TBL1XR1: variants seen among roughly 807,000 people sequenced by gnomAD.
The protein encoded by TBL1XR1 is F-box-like/WD repeat-containing protein TBL1XR1.
A neutral mutation model predicts 66.9 loss-of-function variants in TBL1XR1; 5 were observed. The ratio of observed to expected loss-of-function variants is 0.07; its 90% CI spans 0.04 to 0.16. The LOEUF (loss-of-function observed/expected upper bound fraction) is 0.16, where lower values mean the gene tolerates loss of function less well. TBL1XR1 is among the 10% of genes least tolerant of loss of function. The probability of loss-of-function intolerance (pLI) is 1.00; values close to 1 mark genes in which losing one functional copy is unlikely to be tolerated. For synonymous variants in TBL1XR1, 210 were observed against 206.0 expected, an observed-to-expected ratio of 1.02 and a Z score of -0.17; for missense variants, 238 against 623.2, an observed-to-expected ratio of 0.38 and a Z score of 6.58.
chr3:177,137,244 G>A (rs1232166174), intron 1 of TBL1XR1, among the ~76,000 whole-genome samples: 1 of 152,236 alleles, frequency 6.6e-6, no homozygotes, highest in Non-Finnish European at 1.5e-5. Context: ...TGTAATCCCA[G>A]CACTTTGGGA....
intron 2 of TBL1XR1, among the ~76,000 whole-genome samples, chr3:177,073,148 C>A (rs1720263436): frequency 6.6e-6 from 1 of 152,100 alleles, no homozygotes; most frequent in African/African-American, 2.4e-5. Context: ...AACTATAACC[C>A]ACATAAACAA....
intron 1 of TBL1XR1, among the ~76,000 whole-genome samples, chr3:177,104,999 T>TA (rs1319551636): frequency 1.3e-5 from 2 of 152,222 alleles, no homozygotes; most frequent in African/African-American, 4.8e-5. Context: ...AATGCTAACA[T>TA]AAGTCAAGTG....
rs558674387 is a variant in TBL1XR1, at chr3:177,049,337, C to T, written c.702+660G>A. ...GTTTTGGGGGAGGGGCAGGGGGTAG[C>T]GGAGCGAGGTAAGAGATGTATTTAA... On this transcript the variant is annotated intron_variant, in intron 7 of 15. Coordinates refer to ENST00000457928, the MANE Select transcript of TBL1XR1 (RefSeq NM_024665.7). 3.9e-5 allele frequency among the ~76,000 whole-genome samples: 6 copies of T among 152,138 alleles called. No individual in the cohort carries two copies. The South Asian group carries it at 6.3e-4, about 16-fold the overall frequency.
chr3:177,154,877 A>C (rs988690850), intron 1 of TBL1XR1, among the ~76,000 whole-genome samples: 6 of 152,216 alleles, frequency 3.9e-5, no homozygotes, highest in Non-Finnish European at 7.4e-5. Context: ...AAACATTAAC[A>C]AAAGAGATCA....
At chr3:177,089,232 C>A (rs1314641286) in intron 2 of TBL1XR1, among the ~76,000 whole-genome samples, 1 of 152,146 alleles carries the variant, frequency 6.6e-6, no homozygotes, top group African/African-American at 2.4e-5. Context: ...TTCATCAATG[C>A]AGAAGAGGCC....
At chr3:177,075,055 A>G (rs991551498) in intron 2 of TBL1XR1, among the ~76,000 whole-genome samples, 6 of 152,228 alleles carry the variant, frequency 3.9e-5, no homozygotes, top group African/African-American at 1.4e-4. Flanking sequence ...GATAGCTACA[A>G]CAAACTGGGC....
At chr3:177,128,736 T>A (rs1214390032) in intron 1 of TBL1XR1, among the ~76,000 whole-genome samples, 1 of 152,182 alleles carries the variant, frequency 6.6e-6, no homozygotes. Flanking sequence ...CTTGGGGAAA[T>A]TTCTTGGGGC....
intron 1 of TBL1XR1, chr3:177,125,960 G>A (rs1218391444): frequency 6.6e-6 from 1 of 152,126 alleles, no homozygotes. Flanking sequence ...TACACAGTAG[G>A]TGTATATATT....
intron 1 of TBL1XR1, among the ~76,000 whole-genome samples, chr3:177,195,055 G>A (rs776056629): frequency 6.6e-6 from 1 of 151,996 alleles, no homozygotes; most frequent in African/African-American, 2.4e-5. Flanking sequence ...ACTTTTCCCA[G>A]GCACGTAGTT....
rs182266095 is a variant in TBL1XR1, at chr3:177,132,150, G to C, written c.-121-33609C>G. ...CAGTGAGACTGATGGTTTGCACCTG[G>C]TTTTCGTGAGCCCCTTGAGGTTTCT... On this transcript the variant is annotated intron_variant, in intron 1 of 15. Transcript: ENST00000457928. Among the ~76,000 whole-genome samples the C allele has an allele frequency of 7.2e-5, 11 of 152,306 alleles. No individual in the cohort carries two copies. In the East Asian group the frequency reaches 1.4e-3, roughly 19 times the overall value.
At chr3:177,082,046 G>A (rs1449010161) in intron 2 of TBL1XR1, among the ~76,000 whole-genome samples, 4 of 152,068 alleles carry the variant, frequency 2.6e-5, no homozygotes, top group African/African-American at 4.8e-5. Flanking sequence ...ACACACACTT[G>A]CAATTCTACC....
chr3:177,033,201 C>T, intron 13 of TBL1XR1, 65 bp from the exon 14 acceptor site: 2 of 1,354,372 alleles, frequency 1.5e-6, no homozygotes. Context: ...CTTGCTCCCA[C>T]CCAACCTCCC....
intron 1 of TBL1XR1, among the ~76,000 whole-genome samples, chr3:177,167,950 G>GT (rs1733024032): frequency 6.7e-6 from 1 of 149,798 alleles, no homozygotes; most frequent in East Asian, 2.4e-4. Context: ...AAAAAAATAA[G>GT]TATCTTAAAA....
intron 14 of TBL1XR1, among the ~76,000 whole-genome samples, chr3:177,029,119 G>GA (rs1014837040): frequency 3.8e-3 from 520 of 138,374 alleles, no homozygotes; most frequent in Non-Finnish European, 4.7e-3. Flanking sequence ...ATTAAGCTAT[G>GA]AAAAAAAAAA....
intron 12 of TBL1XR1, among the ~76,000 whole-genome samples, chr3:177,035,365 C>T (rs1002974224): frequency 1.2e-4 from 18 of 151,650 alleles, no homozygotes; most frequent in Admixed American, 5.9e-4. Flanking sequence ...TTTTTAGGTC[C>T]CCTCTTTTCT....
intron 1 of TBL1XR1, among the ~76,000 whole-genome samples, chr3:177,184,628 C>A (rs1735196618): frequency 6.6e-6 from 1 of 152,074 alleles, no homozygotes. Context: ...ATGGTGAAAT[C>A]CCGTCTCTAC....
At chr3:177,139,670 A>T (rs1257993620) in intron 1 of TBL1XR1, among the ~76,000 whole-genome samples, 1 of 5,002 alleles carries the variant, frequency 2.0e-4, no homozygotes, top group African/African-American at 6.0e-4. Flanking sequence ...AAATATAGTT[A>T]AAAAAAAAAA....
chr3:177,186,479 C>A (rs1735423449), intron 1 of TBL1XR1, among the ~76,000 whole-genome samples: 1 of 152,108 alleles, frequency 6.6e-6, no homozygotes, highest in South Asian at 2.1e-4. Context: ...AGTCAATTGC[C>A]TTATACTGTG....
chr3:177,128,111 C>A (rs1178069431), intron 1 of TBL1XR1, among the ~76,000 whole-genome samples: 1 of 151,792 alleles, frequency 6.6e-6, no homozygotes, highest in Non-Finnish European at 1.5e-5. Context: ...CCTGGCTACT[C>A]GGGAGGCTGA....
Sources: allele counts gnomAD v4.1 joint callset (sites outside exome capture counted in the v4.1 genomes callset), GRCh38; gene constraint gnomAD v4.1.1; transcripts MANE v1.5; gene names NCBI Gene and HGNC (gene_info 2026-07-23, HGNC 2026-07-21).